TMED6: variants seen among roughly 807,000 people sequenced by gnomAD.
The protein encoded by TMED6 is transmembrane emp24 domain-containing protein 6.
In TMED6, 17 loss-of-function variants were observed where a neutral mutation model predicts 26.5. The ratio of observed to expected loss-of-function variants is 0.64; its 90% CI spans 0.44 to 0.96. The LOEUF is 0.96. Among genes scored for constraint, TMED6 ranks in the 40% least tolerant of loss-of-function variants. TMED6 has a pLI of 0.00. For missense variants in TMED6, 309 were observed against 296.5 expected, an observed-to-expected ratio of 1.04 and a Z score of -0.31; for synonymous variants, 107 against 106.2, an observed-to-expected ratio of 1.01 and a Z score of -0.04.
intron 3 of TMED6, among the ~76,000 whole-genome samples, chr16:69,347,331 T>C (rs899967144): frequency 1.6e-4 from 24 of 152,316 alleles, no homozygotes; most frequent in African/African-American, 5.8e-4. Flanking sequence ...CAACCCTTGG[T>C]ATAAAACGAA....
In TMED6 at chr16:69,343,503, G is replaced by A. The variant is rs1225739915; in HGVS notation, c.627C>T (p.Ser209=). 1.9e-6 allele frequency: 3 copies of A among 1,614,090 alleles called. No individual in the cohort carries two copies. Among genetic ancestry groups the A allele is most frequent in the Non-Finnish European group, 2.5e-6 (3 of 1,180,018 alleles). Residue 209 remains serine, a synonymous_variant, in exon 4 of 4, where the codon AGC becomes AGT. Coordinates refer to ENST00000288025, the MANE Select transcript of TMED6 (RefSeq NM_144676.4). ...NYVNWWSTAQ[S]LVIILSGILQ... ...GGATCCCAGAAAGAATAATAACAAG[G>A]CTCTGGGCTGTCGACCACCAGTTCA... is the stretch of plus-strand genomic sequence containing the variant.
At chr16:69,351,359 C>T (rs573708527) in intron 1 of TMED6, among the ~76,000 whole-genome samples, 182 bp downstream of exon 1, 1 of 152,294 alleles carries the variant, frequency 6.6e-6, no homozygotes, top group South Asian at 2.1e-4. Context: ...TATGTTTTAG[C>T]TCCTGTTGGT....
intron 3 of TMED6, among the ~76,000 whole-genome samples, chr16:69,344,527 C>A (rs930160938): frequency 2.0e-5 from 3 of 151,868 alleles, no homozygotes; most frequent in African/African-American, 7.3e-5. Context: ...AATCCCAGCA[C>A]TTTGGGAGGC....
chr16:69,351,685 C>G lies in TMED6; in HGVS notation c.69G>C (p.Lys23Asn), dbSNP rs769180174. Residue 23 changes from lysine (K) to asparagine (N), a missense_variant, in exon 1 of 4, where the codon AAG becomes AAC. Lys to Asn is a moderately conservative substitution (Grantham distance 94). Coordinates refer to ENST00000288025, the MANE Select transcript of TMED6 (RefSeq NM_144676.4). ...LNLVTSARSQ[K>N]TEPLSGSGDQ... is the part of the protein sequence containing the mutation. ...CCCCAGAGCCACTTAGAGGTTCTGT[C>G]TTCTGGCTCCTGGCAGACGTCACTA... 4 of 1,613,790 alleles carry G rather than the reference C, an allele frequency of 2.5e-6. No individual in the cohort carries two copies. The highest frequency in any genetic ancestry group is 1.7e-5 in the Admixed American group (1 of 59,960).
At chr16:69,344,858 G>A (rs1258960839) in intron 3 of TMED6, among the ~76,000 whole-genome samples, 1 of 150,540 alleles carries the variant, frequency 6.6e-6, no homozygotes, top group Non-Finnish European at 1.5e-5. Context: ...GGAGGCCAAG[G>A]TGGGCAGATC....
Position 69,349,526 on chromosome 16 carries a change from T to C in TMED6, c.339A>G (p.Thr113=). The change falls in exon 2 of 4, where the codon ACA becomes ACG. Residue 113 remains threonine (T), a splice_region_variant and synonymous_variant. Transcript: ENST00000288025. ...ATAGCCATGGTAATGAAAACAGACC[T>C]GTCTCTTGGGTAGAGAAGTTAATCT... ...RGQINFSTQE[T]GFYQLCLSNQ... The C allele has an allele frequency of 1.9e-6, 3 of 1,613,430 alleles. No individual in the cohort carries two copies. The highest frequency in any genetic ancestry group is 2.5e-6 in the Non-Finnish European group (3 of 1,179,594).
In TMED6 at chr16:69,349,645, G is replaced by C. The variant is rs370362903; in HGVS notation, c.220C>G (p.Arg74Gly). 3.7e-6 allele frequency: 6 copies of C among 1,613,146 alleles called. No individual in the cohort carries two copies. Among genetic ancestry groups the C allele is most frequent in the Non-Finnish European group, 5.1e-6 (6 of 1,179,450 alleles). Reference sequence around the variant, plus strand: ...CGGTCATGTGACATCCCCACTGTCCGCTGAACCTGCCAAGACACATTAAAT... The same window carrying C: ...CGGTCATGTGACATCCCCACTGTCCCCTGAACCTGCCAAGACACATTAAAT... ...GYFYFSYEVQ[R>G]TVGMSHDRHV... The change falls in exon 2 of 4, where the codon CGG (arginine) becomes GGG (glycine). Residue 74 changes from arginine (R) to glycine (G), a missense_variant. Coordinates refer to ENST00000288025, the MANE Select transcript of TMED6 (RefSeq NM_144676.4).
intron 3 of TMED6, among the ~76,000 whole-genome samples, chr16:69,344,539 G>A (rs373100133): frequency 9.3e-5 from 14 of 151,068 alleles, no homozygotes; most frequent in Non-Finnish European, 1.8e-4. Flanking sequence ...TTGGGAGGCC[G>A]AGACGGGCGG....
intron 2 of TMED6, among the ~76,000 whole-genome samples, chr16:69,348,646 C>T (rs1181751519): frequency 2.0e-5 from 3 of 151,792 alleles, no homozygotes; most frequent in Non-Finnish European, 2.9e-5. Context: ...AGACGAGTCT[C>T]GCTCTGTTGC....
intron 2 of TMED6, chr16:69,348,262 T>C (rs950044573): frequency 4.7e-6 from 1 of 211,324 alleles, no homozygotes; most frequent in Non-Finnish European, 9.6e-6. Flanking sequence ...GTTAAGAGCA[T>C]GGTGTTTGCC....
chr16:69,349,007 G>A (rs542529955), intron 2 of TMED6, among the ~76,000 whole-genome samples: 1 of 152,352 alleles, frequency 6.6e-6, no homozygotes, highest in East Asian at 1.9e-4. Flanking sequence ...TTTTAGTGCA[G>A]CTGGCTATTA....
intron 1 of TMED6, among the ~76,000 whole-genome samples, chr16:69,350,842 A>C (rs2012764090): frequency 6.6e-6 from 1 of 152,220 alleles, no homozygotes; most frequent in Non-Finnish European, 1.5e-5. Flanking sequence ...GTTACAGTGG[A>C]GTAAGATCAA....
At chr16:69,349,909 T>C (rs1174168428) in intron 1 of TMED6, among the ~76,000 whole-genome samples, 2 of 152,104 alleles carry the variant, frequency 1.3e-5, no homozygotes, top group South Asian at 2.1e-4. Context: ...CTGCCCAGAA[T>C]GCCAACAGCA....
At chr16:69,349,453 T>C (rs1399679492) in intron 2 of TMED6, 72 bp downstream of exon 2, 2 of 1,545,256 alleles carry the variant, frequency 1.3e-6, no homozygotes, top group African/African-American at 1.4e-5. Flanking sequence ...CATCTCTGTA[T>C]ACTTCCTCAT....
intron 3 of TMED6, among the ~76,000 whole-genome samples, chr16:69,344,261 T>C (rs774177119): frequency 5.3e-5 from 8 of 151,396 alleles, no homozygotes; most frequent in African/African-American, 9.8e-5. Context: ...TCTCTGTATA[T>C]GGTAGAAGAC....
At position 69,349,664 on chromosome 16, in the gene TMED6, A is replaced by G. The variant is rs757424641; in HGVS notation, c.214-13T>C. The G allele has an allele frequency of 1.2e-5, 20 of 1,610,692 alleles. No individual in the cohort carries two copies. Among genetic ancestry groups the G allele is most frequent in the Admixed American group, 3.4e-5 (2 of 59,696 alleles). Reference sequence around the variant, plus strand: ...CTGTCCGCTGAACCTGCCAAGACACATTAAATAGGTAGCAGAACCCCTGCT... The same window carrying G: ...CTGTCCGCTGAACCTGCCAAGACACGTTAAATAGGTAGCAGAACCCCTGCT... On this transcript the variant is annotated splice_polypyrimidine_tract_variant and intron_variant, in intron 1 of 3. Transcript: ENST00000288025.
rs758902556 is a variant in TMED6, at chr16:69,348,623, C to CT, written c.341-688dup. Among the ~76,000 whole-genome samples, 616 of 145,184 alleles carry CT rather than the reference C, an allele frequency of 4.2e-3. 8 individuals are homozygous for CT. Among genetic ancestry groups the CT allele is most frequent in the African/African-American group, 0.012 (466 of 39,806 alleles). ...TGTAGGGGCCAAAGATGTTCAAGAT[C>CT]TTTTTTTTTTTTAGACGAGTCTCGC... On this transcript the variant is annotated intron_variant, in intron 2 of 3. Coordinates refer to ENST00000288025, the MANE Select transcript of TMED6 (RefSeq NM_144676.4).
chr16:69,345,479 C>G (rs2012669140), intron 3 of TMED6, among the ~76,000 whole-genome samples: 1 of 151,818 alleles, frequency 6.6e-6, no homozygotes, highest in African/African-American at 2.4e-5. Context: ...GTCAGGAGTT[C>G]AAGACCAGCC....
Position 69,347,817 on chromosome 16 carries a change from G to C in TMED6, c.460C>G (p.Gln154Glu), listed in dbSNP as rs2012709891. 1 of 1,613,982 alleles carries C rather than the reference G, an allele frequency of 6.2e-7. No individual in the cohort carries two copies. The highest frequency in any genetic ancestry group is 1.7e-5 in the Admixed American group (1 of 60,002). ...ETDHKQKERK[Q>E]LNDTLDAIED... ...ATTGCATCCAGAGTATCATTCAGTT[G>C]TTTTCTTTCCTTCTGTTTGTGATCA... The change falls in exon 3 of 4, where the codon CAA becomes GAA. Residue 154 changes from glutamine (Q) to glutamate (E), a missense_variant. Coordinates refer to ENST00000288025, the MANE Select transcript of TMED6 (RefSeq NM_144676.4).
Sources: gnomAD v4.1 joint callset for allele counts (sites outside exome capture counted in the v4.1 genomes callset) on GRCh38, gnomAD v4.1.1 for gene constraint, MANE v1.5 for transcripts, NCBI Gene and HGNC (gene_info 2026-07-23, HGNC 2026-07-21) for gene names.